PRDM2: variants seen among roughly 807,000 people sequenced by gnomAD.
PRDM2 encodes the protein PR/SET domain 2, also known as PR domain zinc finger protein 2.
A neutral mutation model predicts 130.0 loss-of-function variants in PRDM2; 30 were observed. The observed-to-expected ratio is 0.23, with a 90% CI of 0.17 to 0.31. PRDM2 has a LOEUF of 0.31. Among genes scored for constraint, PRDM2 ranks in the 10% least tolerant of loss-of-function variants. The pLI is 1.00. For missense variants in PRDM2, 2,011 were observed against 2,108.4 expected, an observed-to-expected ratio of 0.95 and a Z score of 0.90; for synonymous variants, 871 against 782.4, an observed-to-expected ratio of 1.11 and a Z score of -1.89.
rs753288081 is a variant in PRDM2, at chr1:13,803,729, G to A, written c.5037-12698G>A. Among the ~76,000 whole-genome samples the A allele has an allele frequency of 2.7e-4, 41 of 152,316 alleles. No individual in the cohort carries two copies. The highest frequency in any genetic ancestry group is 7.7e-4 in the East Asian group (4 of 5,172). ...TCCCCGCGGGCAGGTTCTCCGGGCC[G>A]AGGTCACTGCAGGCCAGGCCGGGCC... On this transcript the variant is annotated intron_variant, in intron 8 of 9. Coordinates refer to ENST00000311066, the MANE Select transcript of PRDM2 (RefSeq NM_001393986.1). The surrounding 1 kb of genome is among the most constrained non-coding windows in gnomAD (Gnocchi z 6.2).
At chr1:13,804,073 C>T (rs1326396967) in intron 8 of PRDM2, among the ~76,000 whole-genome samples, 2 of 152,226 alleles carry the variant, frequency 1.3e-5, no homozygotes, top group East Asian at 1.9e-4. Context: ...CTTAAGTACA[C>T]GAGTTACTTA....
chr1:13,719,429 C>T (rs1220545913), intron 2 of PRDM2, among the ~76,000 whole-genome samples: 1 of 152,112 alleles, frequency 6.6e-6, no homozygotes, highest in Non-Finnish European at 1.5e-5. Context: ...TTTATAGGGC[C>T]TTTAGGGCTA....
intron 9 of PRDM2, among the ~76,000 whole-genome samples, chr1:13,819,563 T>C (rs560273214): frequency 1.2e-3 from 176 of 152,312 alleles, no homozygotes; most frequent in Non-Finnish European, 2.1e-3. Flanking sequence ...TTTAAAATAA[T>C]TTTTTAAAAA....
chr1:13,740,403 G>C (rs1643402642), intron 4 of PRDM2, among the ~76,000 whole-genome samples: 1 of 152,120 alleles, frequency 6.6e-6, no homozygotes, highest in South Asian at 2.1e-4. Context: ...CTGAGCCCAG[G>C]GGCAGTTTAT....
At chr1:13,736,315 T>C (rs971692238) in intron 4 of PRDM2, among the ~76,000 whole-genome samples, 1 of 152,104 alleles carries the variant, frequency 6.6e-6, no homozygotes, top group Non-Finnish European at 1.5e-5. Context: ...GGTTTCACCA[T>C]GTTGCCCAGG....
chr1:13,754,763 G>T (rs1427929653), intron 6 of PRDM2, among the ~76,000 whole-genome samples: 1 of 152,224 alleles, frequency 6.6e-6, no homozygotes, highest in African/African-American at 2.4e-5. Context: ...GGTGCCTGGT[G>T]GGCAGGTCCT....
intron 8 of PRDM2, among the ~76,000 whole-genome samples, chr1:13,783,586 G>C (rs977563595): frequency 3.1e-4 from 47 of 152,284 alleles, no homozygotes; most frequent in Non-Finnish European, 3.5e-4. Flanking sequence ...TCTTAGATTT[G>C]AAGTGACTTT....
chr1:13,775,949 GA>G (rs1381145667), intron 7 of PRDM2, among the ~76,000 whole-genome samples: 14 of 152,116 alleles, frequency 9.2e-5, no homozygotes, highest in Admixed American at 9.2e-4. Context: ...ACTGTCCCCA[GA>G]TAAGTCCACA....
At chr1:13,776,182 G>T (rs1644471130) in intron 7 of PRDM2, among the ~76,000 whole-genome samples, 2 of 152,010 alleles carry the variant, frequency 1.3e-5, no homozygotes, top group South Asian at 4.2e-4. Context: ...TGTGTGGCTT[G>T]TATTAAAGTG....
chr1:13,811,320 C>T (rs1276156273), intron 8 of PRDM2, among the ~76,000 whole-genome samples: 1 of 152,162 alleles, frequency 6.6e-6, no homozygotes, highest in African/African-American at 2.4e-5. Context: ...CTCGTTAACG[C>T]TTACTTGCAC....
At chr1:13,820,411 G>A (rs568188008) in intron 9 of PRDM2, among the ~76,000 whole-genome samples, 2 of 152,214 alleles carry the variant, frequency 1.3e-5, no homozygotes, top group Non-Finnish European at 2.9e-5. Flanking sequence ...AGAGGTTTCT[G>A]TTCACTTTTA....
intron 1 of PRDM2, among the ~76,000 whole-genome samples, chr1:13,706,327 G>A (rs577675391): frequency 1.3e-5 from 2 of 152,038 alleles, no homozygotes; most frequent in South Asian, 2.1e-4. Flanking sequence ...TTCTGTCAAC[G>A]TAATCTTCCT....
chr1:13,761,496 T>A (rs2100586338), intron 6 of PRDM2, among the ~76,000 whole-genome samples: 1 of 152,284 alleles, frequency 6.6e-6, no homozygotes, highest in Admixed American at 6.5e-5. Context: ...TCTGAGGAGT[T>A]GGAGTTCTTT....
chr1:13,757,333 CT>C (rs1398241851), intron 6 of PRDM2, among the ~76,000 whole-genome samples: 1 of 152,168 alleles, frequency 6.6e-6, no homozygotes, highest in African/African-American at 2.4e-5. Context: ...TGAATATTTT[CT>C]TTCTCTTAGG....
chr1:13,795,720 G>A (rs144784263), intron 8 of PRDM2, among the ~76,000 whole-genome samples: 58 of 152,296 alleles, frequency 3.8e-4, no homozygotes, highest in Non-Finnish European at 6.2e-4. Flanking sequence ...GCCAGGCCTC[G>A]TTTTTACCAA....
At chr1:13,723,296 C>A (rs535501725) in intron 2 of PRDM2, among the ~76,000 whole-genome samples, 1 of 152,198 alleles carries the variant, frequency 6.6e-6, no homozygotes. Flanking sequence ...GTCACTGAGA[C>A]GTTGAACACC....
rs1189346972 is a variant in PRDM2, at chr1:13,700,318, T to C, written c.-66+18T>C. 1 of 148,066 alleles carries C rather than the reference T, an allele frequency of 6.8e-6. No individual in the cohort carries two copies. The highest frequency in any genetic ancestry group is 1.5e-5 in the Non-Finnish European group (1 of 66,170). 9.2% of individuals were successfully genotyped at this position (148,066 alleles called of 1,614,324 possible). A position where few individuals can be genotyped will look rare whatever the true frequency, so the allele number is the denominator to read the frequency against. ...GGGCGCGGGTAAGGAGTGGCGCGGG[T>C]GGGCGGCCTCTGGGCTCGCGCCGGG... On this transcript the variant is annotated intron_variant, in intron 1 of 9. Coordinates refer to ENST00000311066, the MANE Select transcript of PRDM2 (RefSeq NM_001393986.1).
At position 13,785,484 on chromosome 1, in the gene PRDM2, A is replaced by G. The variant is rs150906248; in HGVS notation, c.5036+2653A>G. On this transcript the variant is annotated intron_variant, in intron 8 of 9. Coordinates refer to ENST00000311066, the MANE Select transcript of PRDM2 (RefSeq NM_001393986.1). ...TTCAAGTACATGCTTGCAATCAGCC[A>G]TATGATTTTTCCATGAGTTTTCTAC... Among the ~76,000 whole-genome samples the G allele has an allele frequency of 1.4e-3, 217 of 152,282 alleles. 2 individuals carry two copies. The highest frequency in any genetic ancestry group is 5.0e-3 in the African/African-American group (209 of 41,556).
At position 13,782,408 on chromosome 1, in the gene PRDM2, G is replaced by T; in HGVS notation, c.4613G>T (p.Ser1538Ile). The change falls in exon 8 of 10, where the codon AGC becomes ATC. Residue 1538 changes from serine (S) to isoleucine (I), a missense_variant. Coordinates refer to ENST00000311066, the MANE Select transcript of PRDM2 (RefSeq NM_001393986.1). ...CCGTTGGGCAAGACCAGAGCCCGCA[G>T]CTCAGGCCCCACCCAAGTCCCACTT... ...QTPLGKTRAR[S>I]SGPTQVPLPS... The T allele has an allele frequency of 6.2e-7, 1 of 1,613,934 alleles. No homozygotes were observed. Among genetic ancestry groups the T allele is most frequent in the Non-Finnish European group, 8.5e-7 (1 of 1,180,026 alleles).
Sources: gnomAD v4.1 joint callset for allele counts (sites outside exome capture counted in the v4.1 genomes callset) on GRCh38, gnomAD v4.1.1 for gene constraint, Gnocchi (gnomAD v3.1) non-coding constraint, MANE v1.5 for transcripts, NCBI Gene and HGNC (gene_info 2026-07-23, HGNC 2026-07-21) for gene names.